The following PRELID2 variants were observed in gnomAD, a reference collection of about 807,000 sequenced individuals.
PRELID2 encodes the protein PRELI domain containing 2.
In PRELID2, 25 loss-of-function variants were observed where a neutral mutation model predicts 28.4. That is an observed-to-expected ratio of 0.88 (90% CI 0.64 to 1.23). The LOEUF (loss-of-function observed/expected upper bound fraction) is 1.23, where lower values mean the gene tolerates loss of function less well. Among genes scored for constraint, PRELID2 ranks in the 50% most tolerant of loss-of-function variants. The pLI, the probability that PRELID2 is intolerant of heterozygous loss-of-function variation, is 0.00. For missense variants in PRELID2, 201 were observed against 214.4 expected, an observed-to-expected ratio of 0.94 and a Z score of 0.39; for synonymous variants, 76 against 71.6, an observed-to-expected ratio of 1.06 and a Z score of -0.31.
At chr5:145,582,825 C>T (rs531731908) in intron 1 of PRELID2, among the ~76,000 whole-genome samples, 1 of 151,948 alleles carries the variant, frequency 6.6e-6, no homozygotes, top group Admixed American at 6.6e-5. Context: ...ACCAAAAAAA[C>T]CCCAGGACCA....
chr5:145,808,419 C>A lies in PRELID2; in HGVS notation c.368+9475G>T, dbSNP rs535817700. On this transcript the variant is annotated intron_variant, in intron 4 of 6. Transcript: ENST00000683046. Reference sequence around the variant, plus strand: ...ACACCAAAAAATATGCCCAATTAGCCCTCAGCACATGCAAATTATACTATT... The same window carrying A: ...ACACCAAAAAATATGCCCAATTAGCACTCAGCACATGCAAATTATACTATT... Among the ~76,000 whole-genome samples, 5 of 152,112 alleles carry A rather than the reference C, an allele frequency of 3.3e-5. No individual in the cohort carries two copies. In the East Asian group the frequency reaches 9.7e-4, roughly 29 times the overall value.
At chr5:145,763,290 G>A (rs751567059) in intron 6 of PRELID2, among the ~76,000 whole-genome samples, 11 of 152,246 alleles carry the variant, frequency 7.2e-5, no homozygotes, top group African/African-American at 1.2e-4. Flanking sequence ...AAACCAGGGA[G>A]ATGTGGCCAA....
At chr5:145,690,613 T>G (rs1430135446) in intron 1 of PRELID2, among the ~76,000 whole-genome samples, 2 of 152,204 alleles carry the variant, frequency 1.3e-5, no homozygotes, top group African/African-American at 2.4e-5. Context: ...GGTGCCGTCA[T>G]TTGAGGTCCA....
chr5:145,545,979 T>A (rs1752783653), intron 1 of PRELID2, among the ~76,000 whole-genome samples: 1 of 152,142 alleles, frequency 6.6e-6, no homozygotes, highest in South Asian at 2.1e-4. Flanking sequence ...ATCTGAGGTC[T>A]AAATGGCAGG....
At chr5:145,414,260 T>C in the PRELID2 span, among the ~76,000 whole-genome samples, 1 of 152,182 alleles carries the variant, frequency 6.6e-6, no homozygotes, top group African/African-American at 2.4e-5. Context: ...CACATGAAAT[T>C]GAACTACTTG....
chr5:145,792,590 A>G (rs995216800), intron 5 of PRELID2, among the ~76,000 whole-genome samples: 1 of 152,208 alleles, frequency 6.6e-6, no homozygotes, highest in African/African-American at 2.4e-5. Context: ...CTTGTGAATT[A>G]TGTCTTAATT....
the PRELID2 span, among the ~76,000 whole-genome samples, chr5:145,347,418 T>TTTTAGA: frequency 6.6e-6 from 1 of 152,182 alleles, no homozygotes; most frequent in African/African-American, 2.4e-5. Flanking sequence ...AGCATTTATA[T>TTTTAGA]GGCCTTTTAG....
chr5:145,378,843 T>C, the PRELID2 span, among the ~76,000 whole-genome samples: 1 of 152,202 alleles, frequency 6.6e-6, no homozygotes, highest in Admixed American at 6.5e-5. Flanking sequence ...ATGCAGTTAT[T>C]TGAAGAAAAG....
chr5:145,821,191 T>TGTGTGTGTG (rs1561649985), intron 2 of PRELID2, among the ~76,000 whole-genome samples: 15 of 31,408 alleles, frequency 4.8e-4, no homozygotes, highest in African/African-American at 7.3e-4. Context: ...GTAAGTCCTC[T>TGTGTGTGTG]TCTGTGTGTG....
chr5:145,757,543 G>A lies in PRELID2; in HGVS notation c.*2993C>T, dbSNP rs140925725. ...CCTTTCCCACTCTTGTTTCTAGTGT[G>A]CCCAATAAGCCTGTACTCCTGGTTT... On this transcript the variant is annotated 3_prime_UTR_variant, in exon 7 of 7. Coordinates refer to ENST00000683046, the MANE Select transcript of PRELID2 (RefSeq NM_205846.3). Among the ~76,000 whole-genome samples, 483 of 152,180 alleles carry A rather than the reference G, an allele frequency of 3.2e-3. 1 individual carries two copies. Among genetic ancestry groups the A allele is most frequent in the African/African-American group, 9.9e-3 (409 of 41,496 alleles).
the PRELID2 span, among the ~76,000 whole-genome samples, chr5:145,257,337 C>T: frequency 0.083 from 12,565 of 151,938 alleles, 1,121 homozygotes; most frequent in African/African-American, 0.23. Context: ...AATATGCTTA[C>T]TGTAATTTTT....
At chr5:145,267,641 A>G in the PRELID2 span, among the ~76,000 whole-genome samples, 1 of 152,278 alleles carries the variant, frequency 6.6e-6, no homozygotes. Flanking sequence ...TATGTCTTTG[A>G]TGTACTGATT....
In PRELID2 at chr5:145,765,781, A is replaced by G. The variant is rs568795867; in HGVS notation, c.475-781T>C. 2.0e-5 allele frequency among the ~76,000 whole-genome samples: 3 copies of G among 152,338 alleles called. 1 individual carries two copies. In the South Asian group the frequency reaches 6.2e-4, roughly 32 times the overall value. ...AATCTCAAACTAAGTCTGTGCCCCA[A>G]GAGCTGACCTAGGACACCTTAATAC... On this transcript the variant is annotated intron_variant, in intron 5 of 6. Transcript: ENST00000683046.
At chr5:145,536,196 T>C (rs1752696480) in intron 1 of PRELID2, among the ~76,000 whole-genome samples, 1 of 151,934 alleles carries the variant, frequency 6.6e-6, no homozygotes, top group Non-Finnish European at 1.5e-5. Flanking sequence ...GAAATGGGTT[T>C]GAAAATTGCT....
chr5:145,457,693 A>G, the PRELID2 span, among the ~76,000 whole-genome samples: 1 of 152,168 alleles, frequency 6.6e-6, no homozygotes, highest in Non-Finnish European at 1.5e-5. Context: ...TCACTTTTCT[A>G]CCTCCAAAGC....
the PRELID2 span, among the ~76,000 whole-genome samples, chr5:145,354,972 A>T: frequency 6.6e-6 from 1 of 152,156 alleles, no homozygotes; most frequent in Non-Finnish European, 1.5e-5. Flanking sequence ...TTAAAGACCA[A>T]ACAAAATTGA....
At chr5:145,377,676 A>G in the PRELID2 span, among the ~76,000 whole-genome samples, 1 of 152,036 alleles carries the variant, frequency 6.6e-6, no homozygotes, top group Non-Finnish European at 1.5e-5. Context: ...GTCAGAAACT[A>G]GGATTGCAAC....
At chr5:145,791,872 T>A (rs10515561) in intron 5 of PRELID2, among the ~76,000 whole-genome samples, 6,183 of 152,082 alleles carry the variant, frequency 0.041, 394 homozygotes, top group African/African-American at 0.14. Flanking sequence ...TAAAAATGGG[T>A]GAAACGTTAG....
intron 5 of PRELID2, among the ~76,000 whole-genome samples, chr5:145,781,612 C>CTA (rs1017361743): frequency 1.6e-4 from 24 of 145,556 alleles, no homozygotes; most frequent in African/African-American, 3.5e-4. Flanking sequence ...TATATACACA[C>CTA]TATATATATA....
Sources: allele counts gnomAD v4.1 joint callset (sites outside exome capture counted in the v4.1 genomes callset), GRCh38; gene constraint gnomAD v4.1.1; transcripts MANE v1.5; gene names NCBI Gene and HGNC (gene_info 2026-07-23, HGNC 2026-07-21).